Variants in MAGI2 observed in about 807,000 individuals in gnomAD.
The protein encoded by MAGI2 is membrane-associated guanylate kinase, WW and PDZ domain-containing protein 2.
Under a neutral mutation model 133.3 loss-of-function variants are expected in MAGI2, and 35 were observed. That is an observed-to-expected ratio of 0.26 (90% CI 0.20 to 0.35). The LOEUF is 0.35. Among genes scored for constraint, MAGI2 ranks in the 10% least tolerant of loss-of-function variants. The probability of loss-of-function intolerance (pLI) is 1.00; values close to 1 mark genes in which losing one functional copy is unlikely to be tolerated. For missense variants in MAGI2, 1,636 were observed against 1,863.4 expected (o/e 0.88, Z 2.25); for synonymous variants, 729 against 710.6 (o/e 1.03, Z -0.41).
At chr7:78,034,931 A>G (rs1222832508) in intron 21 of MAGI2, 1 of 152,198 alleles carries the variant, frequency 6.6e-6, no homozygotes, top group East Asian at 1.9e-4. Context: ...TCATTCATTC[A>G]CCTGTTCAAG....
At chr7:78,107,441 A>G (rs552917314) in intron 20 of MAGI2, among the ~76,000 whole-genome samples, 4 of 152,260 alleles carry the variant, frequency 2.6e-5, no homozygotes, top group African/African-American at 7.2e-5. Context: ...TTTGAGTAGT[A>G]TGGACATTTT....
intron 1 of MAGI2, among the ~76,000 whole-genome samples, chr7:79,259,062 A>G (rs532352255): frequency 2.6e-4 from 39 of 152,326 alleles, no homozygotes; most frequent in Non-Finnish European, 4.1e-4. Flanking sequence ...TTACAACTGC[A>G]TGCTTTACGT....
At chr7:78,095,002 A>T (rs984012978) in intron 20 of MAGI2, among the ~76,000 whole-genome samples, 24 of 152,082 alleles carry the variant, frequency 1.6e-4, no homozygotes, top group Admixed American at 1.3e-4. Context: ...CAGGGTATGT[A>T]TGAGGGACAA....
chr7:78,227,884 T>TGTG (rs1789565700), intron 10 of MAGI2, among the ~76,000 whole-genome samples: 2 of 67,300 alleles, frequency 3.0e-5, no homozygotes, highest in South Asian at 8.1e-4. Flanking sequence ...GTGTGTGTGT[T>TGTG]TTAAACCCTT....
At chr7:78,486,917 C>T (rs1384340006) in intron 6 of MAGI2, 1 of 519,792 alleles carries the variant, frequency 1.9e-6, no homozygotes, top group African/African-American at 1.9e-5. Context: ...GGAACGTACC[C>T]AAATTTGAAC....
At chr7:79,158,916 GTTC>G (rs1198041202) in intron 1 of MAGI2, among the ~76,000 whole-genome samples, 1 of 151,840 alleles carries the variant, frequency 6.6e-6, no homozygotes, top group Non-Finnish European at 1.5e-5. Context: ...ATTTTTTAAT[GTTC>G]TTATTAAATA....
chr7:78,839,374 C>T (rs537883942), intron 2 of MAGI2, among the ~76,000 whole-genome samples: 6 of 152,032 alleles, frequency 3.9e-5, no homozygotes, highest in East Asian at 1.9e-4. Context: ...AAAATCTTTG[C>T]GATGCTAAAA....
intron 2 of MAGI2, among the ~76,000 whole-genome samples, chr7:78,936,016 C>T (rs1431260801): frequency 6.6e-6 from 1 of 152,102 alleles, no homozygotes; most frequent in African/African-American, 2.4e-5. Flanking sequence ...CAATACATTT[C>T]ATGTCTTCCG....
At chr7:78,896,791 C>T (rs1013111689) in intron 2 of MAGI2, among the ~76,000 whole-genome samples, 2 of 151,974 alleles carry the variant, frequency 1.3e-5, no homozygotes, top group Non-Finnish European at 2.9e-5. Flanking sequence ...ATATAAACTG[C>T]TCTAATTGGC....
chr7:78,375,347 C>T (rs1367696296), intron 6 of MAGI2, among the ~76,000 whole-genome samples: 1 of 151,986 alleles, frequency 6.6e-6, no homozygotes, highest in Non-Finnish European at 1.5e-5. Flanking sequence ...GGCATTGTTC[C>T]TTTCTTGGGA....
chr7:78,020,197 C>A (rs71537514), intron 21 of MAGI2, among the ~76,000 whole-genome samples: 1 of 151,808 alleles, frequency 6.6e-6, no homozygotes, highest in Non-Finnish European at 1.5e-5. Context: ...ACGCCCCGAA[C>A]CTCGTCCGTG....
intron 15 of MAGI2, among the ~76,000 whole-genome samples, chr7:78,161,274 A>T (rs1824949258): frequency 1.3e-5 from 2 of 152,372 alleles, no homozygotes; most frequent in South Asian, 4.1e-4. Context: ...ATGAAAGTTT[A>T]TCTGTCATCC....
chr7:79,262,674 T>C (rs552586555), intron 1 of MAGI2, among the ~76,000 whole-genome samples: 7 of 152,296 alleles, frequency 4.6e-5, no homozygotes, highest in African/African-American at 7.2e-5. Context: ...CCGGGTAGGA[T>C]ACGTAAAGGA....
chr7:78,833,206 GCA>G (rs1791341376), intron 2 of MAGI2, among the ~76,000 whole-genome samples: 2 of 152,104 alleles, frequency 1.3e-5, no homozygotes, highest in Admixed American at 1.3e-4. Flanking sequence ...AATTACTGAT[GCA>G]CACACTATAT....
Position 78,760,361 on chromosome 7 carries a change from CTTTTTT to C in MAGI2, c.419-133128_419-133123del, listed in dbSNP as rs71085562. 5.9e-4 allele frequency among the ~76,000 whole-genome samples: 74 copies of C among 124,642 alleles called. No individual in the cohort carries two copies. In the East Asian group the frequency reaches 0.016, roughly 28 times the overall value. The allele number at this position is 124,642 out of a possible 152,430, so 81.8% of individuals were successfully genotyped here. On this transcript the variant is annotated intron_variant, in intron 2 of 21. Coordinates refer to ENST00000354212, the MANE Select transcript of MAGI2 (RefSeq NM_012301.4). The stretch of plus-strand genomic sequence containing the variant: ...TCCTACAACTGGACTTTAATTCTCT[CTTTTTT>C]TTTTTTTTTTTTGAGATGAAGTTTT...
At chr7:78,696,013 G>A (rs985427978) in intron 2 of MAGI2, among the ~76,000 whole-genome samples, 2 of 152,092 alleles carry the variant, frequency 1.3e-5, no homozygotes, top group African/African-American at 4.8e-5. Context: ...ATAGCTCACT[G>A]CAGCCCTGAG....
intron 2 of MAGI2, among the ~76,000 whole-genome samples, chr7:78,725,156 A>T (rs10230190): frequency 0.069 from 10,453 of 152,316 alleles, 441 homozygotes; most frequent in African/African-American, 0.092. Context: ...CTGAAAAATA[A>T]GGCAGCTGGT....
intron 2 of MAGI2, among the ~76,000 whole-genome samples, chr7:78,798,919 T>A (rs996672509): frequency 1.3e-5 from 2 of 152,170 alleles, no homozygotes; most frequent in African/African-American, 2.4e-5. Flanking sequence ...AAACATCCGA[T>A]GTCTCCTCAT....
At chr7:79,234,878 T>G (rs1216199013) in intron 1 of MAGI2, among the ~76,000 whole-genome samples, 1 of 151,890 alleles carries the variant, frequency 6.6e-6, no homozygotes, top group East Asian at 1.9e-4. Flanking sequence ...CTCTGCGTTT[T>G]AGAGTTTCCA....
Sources: gnomAD v4.1 joint callset for allele counts (sites outside exome capture counted in the v4.1 genomes callset) on GRCh38, gnomAD v4.1.1 for gene constraint, MANE v1.5 for transcripts, NCBI Gene and HGNC (gene_info 2026-07-23, HGNC 2026-07-21) for gene names.